The following ARFGAP2 variants were observed in gnomAD, a reference collection of about 807,000 sequenced individuals.
The protein encoded by ARFGAP2 is ARF GTPase activating protein 2.
Under a neutral mutation model 71.9 loss-of-function variants are expected in ARFGAP2, and 45 were observed. The observed-to-expected ratio is 0.63, with a 90% CI of 0.49 to 0.80. ARFGAP2 has a LOEUF of 0.80. ARFGAP2 is among the 30% of genes least tolerant of loss of function. The pLI is 0.00. For synonymous variants in ARFGAP2, 248 were observed against 249.2 expected (o/e 1.00, Z 0.05); for missense variants, 633 against 673.9 (o/e 0.94, Z 0.67).
At chr11:47,171,857 C>G in intron 8 of ARFGAP2, 57 bp from the exon 9 acceptor site, 2 of 1,597,784 alleles carry the variant, frequency 1.3e-6, no homozygotes, top group Non-Finnish European at 8.5e-7. Context: ...AGATCCCTCC[C>G]AGGTTCAGGC....
intron 10 of ARFGAP2, chr11:47,169,165 T>G (rs1952501477): frequency 6.6e-6 from 1 of 151,716 alleles, no homozygotes; most frequent in Non-Finnish European, 1.5e-5. Context: ...TACAAAAAAA[T>G]TAGCCGGGCA....
chr11:47,168,719 C>G (rs144994193), intron 10 of ARFGAP2: 251 of 159,350 alleles, frequency 1.6e-3, no homozygotes, highest in African/African-American at 5.8e-3. Flanking sequence ...GACAGGGTTT[C>G]GCCACATTGC....
intron 15 of ARFGAP2, 130 bp from the exon 16 acceptor site, chr11:47,165,632 T>A (rs766002332): frequency 8.8e-6 from 9 of 1,022,466 alleles, no homozygotes; most frequent in Non-Finnish European, 1.2e-5. Context: ...GACAGCCCGG[T>A]GAGGCAGGAG....
intron 6 of ARFGAP2, 87 bp downstream of exon 6, chr11:47,173,672 C>T (rs933819183): frequency 1.3e-6 from 2 of 1,499,360 alleles, no homozygotes; most frequent in East Asian, 2.5e-5. Flanking sequence ...GACCCCTGCT[C>T]CTATTGTCAT....
At chr11:47,168,542 A>G (rs1952478118) in intron 10 of ARFGAP2, 1 of 257,170 alleles carries the variant, frequency 3.9e-6, no homozygotes, top group South Asian at 5.0e-5. Context: ...TTTATTTGAG[A>G]CAGATTCTCA....
intron 7 of ARFGAP2, chr11:47,173,218 C>T: frequency 1.5e-6 from 1 of 647,250 alleles, no homozygotes. Flanking sequence ...TATACACCAG[C>T]CCACCCAGAT....
At chr11:47,171,320 G>A (rs1432314844) in intron 10 of ARFGAP2, 106 bp downstream of exon 10, 1 of 1,523,744 alleles carries the variant, frequency 6.6e-7, no homozygotes, top group Non-Finnish European at 8.9e-7. Flanking sequence ...GATCTATTCA[G>A]ACTTGGAGAA....
In ARFGAP2 at chr11:47,167,460, C is replaced by T. The variant is rs572135438; in HGVS notation, c.1205+449G>A. Among the ~76,000 whole-genome samples, 3 of 152,118 alleles carry T rather than the reference C, an allele frequency of 2.0e-5. No homozygotes were observed. In the South Asian group the frequency reaches 6.2e-4, roughly 32 times the overall value. On this transcript the variant is annotated intron_variant, in intron 12 of 15. Transcript: ENST00000524782. ...AGATATTATGTCAACTAAACAGATC[C>T]CAGATTAAGATGGAGTAGGGTTTTA...
intron 10 of ARFGAP2, among the ~76,000 whole-genome samples, chr11:47,170,333 AAAAAAAAAAAGAAAAG>A (rs1295796892): frequency 1.3e-5 from 2 of 150,236 alleles, no homozygotes; most frequent in Non-Finnish European, 3.0e-5. Context: ...CAAAAAAAAA[AAAAAAAAAAAGAAAAG>A]AAAAGAAAAA....
At chr11:47,173,086 C>T (rs976578384) in intron 7 of ARFGAP2, 10 of 399,772 alleles carry the variant, frequency 2.5e-5, no homozygotes, top group African/African-American at 1.4e-4. Flanking sequence ...CCTCCACCCC[C>T]GGAAATGCAC....
In ARFGAP2 at chr11:47,165,504, TG is replaced by T; in HGVS notation, c.1546-3del. ...GGATCAGTAGGAACCGTAGCGATCCTGGGGGCGAGGGGGGAGAAAAAAAAAA... is the reference window on the plus strand; with the variant it reads ...GGATCAGTAGGAACCGTAGCGATCCTGGGGCGAGGGGGGAGAAAAAAAAAA... On this transcript the variant is annotated splice_region_variant and splice_polypyrimidine_tract_variant and intron_variant, in intron 15 of 15. Coordinates refer to ENST00000524782, the MANE Select transcript of ARFGAP2 (RefSeq NM_032389.6). 2 of 1,536,276 alleles carry T rather than the reference TG, an allele frequency of 1.3e-6. No homozygotes were observed. The highest frequency in any genetic ancestry group is 1.7e-6 in the Non-Finnish European group (2 of 1,143,858).
At chr11:47,176,743 A>T in intron 1 of ARFGAP2, 39 bp downstream of exon 1, 4 of 1,613,154 alleles carry the variant, frequency 2.5e-6, no homozygotes, top group Non-Finnish European at 3.4e-6. Flanking sequence ...CTCAGGCCCC[A>T]GCGGGACGAG....
chr11:47,168,645 C>T (rs536921299), intron 10 of ARFGAP2: 13 of 185,188 alleles, frequency 7.0e-5, no homozygotes, highest in Non-Finnish European at 1.0e-4. Context: ...CTCAGCCTCC[C>T]GAGCAGCTGG....
At chr11:47,173,550 G>C in intron 6 of ARFGAP2, 68 bp from the exon 7 acceptor site, 5 of 1,493,952 alleles carry the variant, frequency 3.3e-6, no homozygotes, top group African/African-American at 1.4e-5. Context: ...TGAAAGAAGT[G>C]ATGGGACAAG....
At chr11:47,175,495 C>T (rs139540030) in intron 3 of ARFGAP2, 182 bp from the exon 4 acceptor site, 3 of 926,066 alleles carry the variant, frequency 3.2e-6, no homozygotes, top group Middle Eastern at 2.3e-4. Flanking sequence ...CACCTTGCAG[C>T]GGGCCATCCT....
chr11:47,167,871 AAAAAAAGAAAG>A, intron 12 of ARFGAP2, 27 bp downstream of exon 12: 2 of 1,523,174 alleles, frequency 1.3e-6, no homozygotes, highest in South Asian at 1.3e-5. Context: ...TGTTTAAAAA[AAAAAAAGAAAG>A]AAAAAAGAAA....
intron 2 of ARFGAP2, 52 bp downstream of exon 2, chr11:47,176,464 A>G: frequency 6.5e-7 from 1 of 1,549,154 alleles, no homozygotes; most frequent in Non-Finnish European, 8.9e-7. Flanking sequence ...CTTGTTGCCC[A>G]GACACCCCTG....
At position 47,172,398 on chromosome 11, in the gene ARFGAP2, C is replaced by CTT. The variant is rs1207441211; in HGVS notation, c.620-66_620-65insAA. 3.9e-6 allele frequency: 6 copies of CTT among 1,547,438 alleles called. No individual in the cohort carries two copies. In the Admixed American group the frequency reaches 1.0e-4, roughly 26 times the overall value. ...AGCTCAGAGGCAGTAGCTCAGTATACACCATGCAGCTTCATGGCAAGAGCT... is the reference window on the plus strand; with the variant it reads ...AGCTCAGAGGCAGTAGCTCAGTATACTTACCATGCAGCTTCATGGCAAGAGCT... On this transcript the variant is annotated intron_variant, in intron 7 of 15. Transcript: ENST00000524782.
intron 3 of ARFGAP2, 25 bp downstream of exon 3, chr11:47,175,826 G>A (rs1306572786): frequency 1.9e-6 from 3 of 1,613,928 alleles, no homozygotes; most frequent in Non-Finnish European, 2.5e-6. Context: ...AGAATGGAAG[G>A]TGAGGGAAGT....
Sources: gnomAD v4.1 joint callset for allele counts (sites outside exome capture counted in the v4.1 genomes callset) on GRCh38, gnomAD v4.1.1 for gene constraint, MANE v1.5 for transcripts, NCBI Gene and HGNC (gene_info 2026-07-23, HGNC 2026-07-21) for gene names.